Variants in IRAG1 observed in about 807,000 individuals in gnomAD.
IRAG1 encodes IP3R-associated cGMP kinase substrate.
IRAG1 carries 62 observed loss-of-function variants against 106.2 expected under a neutral mutation model. The observed-to-expected ratio is 0.58, with a 90% CI of 0.48 to 0.72. The LOEUF (loss-of-function observed/expected upper bound fraction) is 0.72, where lower values mean the gene tolerates loss of function less well. IRAG1 is among the 30% of genes least tolerant of loss of function. The probability of loss-of-function intolerance (pLI) is 0.00; values close to 1 mark genes in which losing one functional copy is unlikely to be tolerated. For missense variants in IRAG1, 1,064 were observed against 1,140.7 expected (o/e 0.93, Z 0.97); for synonymous variants, 462 against 443.9 (o/e 1.04, Z -0.51).
At chr11:10,651,241 G>C (rs1430444960) in intron 2 of IRAG1, among the ~76,000 whole-genome samples, 1 of 152,174 alleles carries the variant, frequency 6.6e-6, no homozygotes, top group Non-Finnish European at 1.5e-5. Context: ...TGCTCAAATA[G>C]GTTCTTCAAA....
chr11:10,593,622 G>C (rs772992492), intron 16 of IRAG1, 23 bp from the exon 17 acceptor site: 1 of 1,571,478 alleles, frequency 6.4e-7, no homozygotes, highest in Non-Finnish European at 8.8e-7. Context: ...AAGTGACCAG[G>C]CTCACTGTCT....
At chr11:10,601,501 T>C (rs562515072) in intron 14 of IRAG1, among the ~76,000 whole-genome samples, 1 of 152,266 alleles carries the variant, frequency 6.6e-6, no homozygotes, top group Non-Finnish European at 1.5e-5. Flanking sequence ...AAGAGTCCTC[T>C]GGAGAGTGAA....
In IRAG1 at chr11:10,628,425, C is replaced by T. The variant is rs1281315840; in HGVS notation, c.652+326G>A. 1.3e-5 allele frequency among the ~76,000 whole-genome samples: 2 copies of T among 152,160 alleles called. No homozygotes were observed. The highest frequency in any genetic ancestry group is 2.9e-5 in the Non-Finnish European group (2 of 68,018). ...GGAAGAAGTCAGACCCCAAAGAGGC[C>T]TTTCTGTATAAGCTCTTGAGGGCTT... On this transcript the variant is annotated intron_variant, in intron 6 of 20. Transcript: ENST00000423302. This position sits in a 1 kb window ranked among gnomAD's most constrained non-coding sequence, Gnocchi z 4.1.
chr11:10,608,537 A>C (rs1854670670), intron 11 of IRAG1, among the ~76,000 whole-genome samples: 1 of 152,190 alleles, frequency 6.6e-6, no homozygotes, highest in African/African-American at 2.4e-5. Context: ...CTGGTGTCTG[A>C]TGCAGATAAC....
rs1225719002 is a variant in IRAG1 at position 10,627,781 on chromosome 11, GAGTCAGTC to G, written c.706-29_706-22del. On this transcript the variant is annotated intron_variant, in intron 7 of 20. Transcript: ENST00000423302. ...CCCTTCTGCTGGAGAAGGTGAACAG[GAGTCAGTC>G]AGCAATGGGAAGAGACCGTGTTTCC... 11 of 1,613,940 alleles carry G rather than the reference GAGTCAGTC, an allele frequency of 6.8e-6. No individual in the cohort carries two copies. In the African/African-American group the frequency reaches 1.3e-4, roughly 20 times the overall value.
At chr11:10,661,455 C>A (rs1859397715) in intron 1 of IRAG1, among the ~76,000 whole-genome samples, 1 of 152,182 alleles carries the variant, frequency 6.6e-6, no homozygotes, top group African/African-American at 2.4e-5. Flanking sequence ...CATTATCTTA[C>A]AATTCTTGAG....
intron 18 of IRAG1, among the ~76,000 whole-genome samples, chr11:10,586,389 A>G (rs925083623): frequency 6.8e-6 from 1 of 146,034 alleles, no homozygotes; most frequent in Non-Finnish European, 1.5e-5. Context: ...CCCCTCCCCC[A>G]CACCCTCTGG....
chr11:10,584,781 G>A (rs1851780635), intron 18 of IRAG1, among the ~76,000 whole-genome samples: 1 of 151,912 alleles, frequency 6.6e-6, no homozygotes, highest in Non-Finnish European at 1.5e-5. Flanking sequence ...TTCCTCAACT[G>A]TACAATGGGG....
intron 19 of IRAG1, 103 bp downstream of exon 19, chr11:10,581,764 C>T (rs932623248): frequency 7.8e-6 from 11 of 1,405,134 alleles, no homozygotes; most frequent in Non-Finnish European, 9.5e-6. Context: ...GTCCTGCGGC[C>T]ACTGGTTACT....
At chr11:10,690,627 T>C (rs1861986447) in intron 1 of IRAG1, among the ~76,000 whole-genome samples, 1 of 152,158 alleles carries the variant, frequency 6.6e-6, no homozygotes, top group South Asian at 2.1e-4. Context: ...TGATTTGGAC[T>C]GTGACACTCA....
At chr11:10,602,626 AGACAGGATATTTATAGGGTT>A (rs148223512) in intron 14 of IRAG1, among the ~76,000 whole-genome samples, 5,043 of 152,278 alleles carry the variant, frequency 0.033, 170 homozygotes, top group African/African-American at 0.079. Context: ...TTCATCTGGG[AGACAGGATATTTATAGGGTT>A]GCTGGGTGGA....
chr11:10,678,730 G>T (rs1359603373), intron 1 of IRAG1, among the ~76,000 whole-genome samples: 1 of 152,190 alleles, frequency 6.6e-6, no homozygotes, highest in East Asian at 1.9e-4. Flanking sequence ...GGTTGATGCT[G>T]GCATGGACCT....
At chr11:10,643,481 G>A (rs1857701397) in intron 2 of IRAG1, among the ~76,000 whole-genome samples, 1 of 152,204 alleles carries the variant, frequency 6.6e-6, no homozygotes, top group South Asian at 2.1e-4. Context: ...GTTCATCACT[G>A]TTTTTACTCT....
chr11:10,608,715 C>G (rs7114603), intron 11 of IRAG1, among the ~76,000 whole-genome samples: 83,813 of 152,036 alleles, frequency 0.55, 23,403 homozygotes, highest in East Asian at 0.7. Context: ...TGAGTGTAAG[C>G]CTTCTTTATA....
chr11:10,594,351 A>C (rs779685140), intron 15 of IRAG1, 156 bp from the exon 16 acceptor site: 47 of 616,636 alleles, frequency 7.6e-5, no homozygotes, highest in Non-Finnish European at 1.3e-4. Context: ...TTGGCACTTC[A>C]TCCTTTGAGA....
At chr11:10,654,556 A>G (rs1270634291) in intron 1 of IRAG1, among the ~76,000 whole-genome samples, 11 of 152,174 alleles carry the variant, frequency 7.2e-5, no homozygotes, top group African/African-American at 2.4e-4. Context: ...CTACTCTACC[A>G]GGCCTGTGCA....
At chr11:10,669,010 GGGGA>G (rs1436771587) in intron 1 of IRAG1, among the ~76,000 whole-genome samples, 1 of 152,122 alleles carries the variant, frequency 6.6e-6, no homozygotes, top group Non-Finnish European at 1.5e-5. Flanking sequence ...CTGATAGAGA[GGGGA>G]GGAAGAAGTC....
At chr11:10,618,823 G>C (rs528593977) in intron 10 of IRAG1, among the ~76,000 whole-genome samples, 1 of 152,210 alleles carries the variant, frequency 6.6e-6, no homozygotes, top group Admixed American at 6.5e-5. Flanking sequence ...TAACTATTCA[G>C]GGCCTTGTAG....
chr11:10,623,894 T>A (rs1293553297), intron 9 of IRAG1, 38 bp from the exon 10 acceptor site: 1 of 1,574,766 alleles, frequency 6.4e-7, no homozygotes, highest in Non-Finnish European at 8.7e-7. Flanking sequence ...TTTCAGATGA[T>A]GACACTGGGC....
Sources: gnomAD v4.1 joint callset for allele counts (sites outside exome capture counted in the v4.1 genomes callset) on GRCh38, gnomAD v4.1.1 for gene constraint, Gnocchi (gnomAD v3.1) non-coding constraint, MANE v1.5 for transcripts, NCBI Gene and HGNC (gene_info 2026-07-23, HGNC 2026-07-21) for gene names.